DCBLD2: variants seen among roughly 807,000 people sequenced by gnomAD.
DCBLD2 encodes the protein discoidin, CUB and LCCL domain containing 2.
In DCBLD2, 54 loss-of-function variants were observed where a neutral mutation model predicts 86.8. The observed-to-expected ratio is 0.62, with a 90% CI of 0.50 to 0.78. The LOEUF is 0.78. Ranked by LOEUF, DCBLD2 falls within the 30% of genes least tolerant of loss-of-function variation. DCBLD2 has a pLI of 0.00. For missense variants in DCBLD2, 908 were observed against 954.2 expected, an observed-to-expected ratio of 0.95 and a Z score of 0.64; for synonymous variants, 354 against 341.3, an observed-to-expected ratio of 1.04 and a Z score of -0.41.
At chr3:98,799,891 T>C in intron 15 of DCBLD2, 50 bp from the exon 16 acceptor site, 1 of 1,473,824 alleles carries the variant, frequency 6.8e-7, no homozygotes, top group Non-Finnish European at 9.1e-7. Flanking sequence ...GTAAAGAGAT[T>C]GCATAATTTA....
chr3:98,813,145 T>C (rs894527946), intron 9 of DCBLD2: 5 of 152,266 alleles, frequency 3.3e-5, no homozygotes, highest in Non-Finnish European at 5.9e-5. Flanking sequence ...AAGGAATGCA[T>C]TGGCGGGATC....
Position 98,812,494 on chromosome 3 carries a change from C to CA in DCBLD2, c.1213-13dup. 1.2e-6 allele frequency: 2 copies of CA among 1,607,314 alleles called. No homozygotes were observed. Among genetic ancestry groups the CA allele is most frequent in the Non-Finnish European group, 1.7e-6 (2 of 1,176,742 alleles). ...TTTCCTTGAAATATCTTTAAAAAAACAACAAAAAATTGGTACTTCAAATCA... is the reference window on the plus strand; with the variant it reads ...TTTCCTTGAAATATCTTTAAAAAAACAAACAAAAAATTGGTACTTCAAATCA... On this transcript the variant is annotated splice_polypyrimidine_tract_variant and intron_variant, in intron 9 of 15. Coordinates refer to ENST00000326840, the MANE Select transcript of DCBLD2 (RefSeq NM_080927.4).
At chr3:98,891,875 T>C (rs2470881) in intron 1 of DCBLD2, among the ~76,000 whole-genome samples, 54,513 of 151,946 alleles carry the variant, frequency 0.36, 9,882 homozygotes, top group Non-Finnish European at 0.38. Flanking sequence ...CTGGTGTTTC[T>C]CCCTATTTCC....
chr3:98,892,055 A>G (rs962566386), intron 1 of DCBLD2, among the ~76,000 whole-genome samples: 5 of 152,178 alleles, frequency 3.3e-5, no homozygotes, highest in Non-Finnish European at 5.9e-5. Flanking sequence ...TGAATGAGAA[A>G]TAAGCCTAAA....
chr3:98,801,575 G>A (rs1334206726), intron 14 of DCBLD2, 25 bp downstream of exon 14: 2 of 1,596,622 alleles, frequency 1.3e-6, no homozygotes, highest in Non-Finnish European at 1.7e-6. Flanking sequence ...TGATAGAAAT[G>A]AGATGCAAAG....
At chr3:98,861,884 A>C (rs1943050374) in intron 2 of DCBLD2, among the ~76,000 whole-genome samples, 1 of 152,178 alleles carries the variant, frequency 6.6e-6, no homozygotes. Flanking sequence ...TCAGAGAAGA[A>C]CTGAAGGAGA....
intron 13 of DCBLD2, among the ~76,000 whole-genome samples, chr3:98,803,070 T>C (rs544524155): frequency 6.6e-6 from 1 of 152,348 alleles, no homozygotes; most frequent in East Asian, 1.9e-4. Flanking sequence ...AAGTAGTTTT[T>C]TCCAATTTTG....
rs1191173978 is a variant in DCBLD2 at position 98,848,048 on chromosome 3, C to T, written c.571+1413G>A. On this transcript the variant is annotated intron_variant, in intron 3 of 15. Transcript: ENST00000326840. ...CATAAGTAAGCTTGCGTCATGGGGG[C>T]TTGTTTTACAGATTATTTTATCATC... Among the ~76,000 whole-genome samples the T allele has an allele frequency of 2.6e-5, 4 of 152,060 alleles. No homozygotes were observed. The East Asian group carries it at 5.8e-4, about 22-fold the overall frequency.
rs1491110399 is a variant in DCBLD2, at chr3:98,797,035, G to GT, written c.*2336dup. 8.2e-5 allele frequency: 7 copies of GT among 85,042 alleles called. No individual in the cohort carries two copies. Among genetic ancestry groups the GT allele is most frequent in the Non-Finnish European group, 1.7e-4 (7 of 42,400 alleles). 5.3% of individuals were successfully genotyped at this position (85,042 alleles called of 1,614,324 possible). ...TATATGTATCAGACATATAAATGTA[G>GT]TAAAAAAAAAAAAAAAAAAAATAGA... On this transcript the variant is annotated 3_prime_UTR_variant, in exon 16 of 16. Transcript: ENST00000326840.
In DCBLD2 at chr3:98,798,872, CT is replaced by C. The variant is rs1214298710; in HGVS notation, c.*499del. 4.6e-5 allele frequency: 7 copies of C among 152,796 alleles called. No homozygotes were observed. Among genetic ancestry groups the C allele is most frequent in the African/African-American group, 1.7e-4 (7 of 41,358 alleles). The allele number at this position is 152,796 out of a possible 1,614,324, so 9.5% of individuals were successfully genotyped here. On this transcript the variant is annotated 3_prime_UTR_variant, in exon 16 of 16. Transcript: ENST00000326840. ...GGATATGGCTGCAATAAAAACAATG[CT>C]TATATCACTAATTATTAAAAAAAAT...
At chr3:98,817,268 T>A (rs1001001335) in intron 9 of DCBLD2, among the ~76,000 whole-genome samples, 2 of 152,228 alleles carry the variant, frequency 1.3e-5, no homozygotes, top group Non-Finnish European at 2.9e-5. Flanking sequence ...GCTAGAGCAA[T>A]TCTTCATGTA....
intron 3 of DCBLD2, among the ~76,000 whole-genome samples, chr3:98,841,794 GGCTCATGCCTGTAATCCCA>G (rs1179718271): frequency 6.6e-6 from 1 of 152,192 alleles, no homozygotes; most frequent in Admixed American, 6.5e-5. Context: ...CAGGCACGGT[GGCTCATGCCTGTAATCCCA>G]GCACTTTGGG....
At chr3:98,875,565 G>A (rs1943354017) in intron 2 of DCBLD2, among the ~76,000 whole-genome samples, 1 of 152,148 alleles carries the variant, frequency 6.6e-6, no homozygotes, top group Admixed American at 6.5e-5. Flanking sequence ...ACTTCACATG[G>A]ATAAACAAAC....
At chr3:98,864,532 A>G (rs1178690917) in intron 2 of DCBLD2, among the ~76,000 whole-genome samples, 2 of 152,212 alleles carry the variant, frequency 1.3e-5, no homozygotes, top group Non-Finnish European at 2.9e-5. Context: ...CCATAAAAAA[A>G]GATGAGTTCA....
In DCBLD2 at chr3:98,857,710, G is replaced by C. The variant is rs192499942; in HGVS notation, c.434-8112C>G. 6.7e-3 allele frequency among the ~76,000 whole-genome samples: 1,017 copies of C among 152,146 alleles called. 14 individuals carry two copies. Among genetic ancestry groups the C allele is most frequent in the African/African-American group, 0.024 (978 of 41,484 alleles). On this transcript the variant is annotated intron_variant, in intron 2 of 15. Coordinates refer to ENST00000326840, the MANE Select transcript of DCBLD2 (RefSeq NM_080927.4). ...TTACAATCCCTTAGCTAGACATAAA[G>C]GTTCTCCACGTCCCCACTAGAGTAG...
chr3:98,896,838 A>T (rs951685096), intron 1 of DCBLD2, among the ~76,000 whole-genome samples: 1 of 152,222 alleles, frequency 6.6e-6, no homozygotes. Flanking sequence ...CACTATCTTT[A>T]TGAAGCTTTT....
intron 1 of DCBLD2, chr3:98,890,510 C>T (rs1267552411): frequency 1.3e-5 from 2 of 151,656 alleles, no homozygotes; most frequent in African/African-American, 4.8e-5. Flanking sequence ...GTTACAGCTG[C>T]CCTAGGAAAC....
intron 13 of DCBLD2, among the ~76,000 whole-genome samples, chr3:98,802,829 TG>T (rs1378906689): frequency 4.6e-5 from 7 of 152,258 alleles, no homozygotes; most frequent in African/African-American, 1.7e-4. Flanking sequence ...TTCTTGTTTT[TG>T]TCAGGTTTGT....
At chr3:98,864,400 CGCATGT>C (rs79985028) in intron 2 of DCBLD2, among the ~76,000 whole-genome samples, 55,017 of 151,434 alleles carry the variant, frequency 0.36, 10,586 homozygotes, top group East Asian at 0.7. Context: ...AAGGCACATG[CGCATGT>C]ATGTTTATTG....
Sources: allele counts gnomAD v4.1 joint callset (sites outside exome capture counted in the v4.1 genomes callset), GRCh38; gene constraint gnomAD v4.1.1; transcripts MANE v1.5; gene names NCBI Gene and HGNC (gene_info 2026-07-23, HGNC 2026-07-21).